The following SUSD4 variants were observed in gnomAD, a reference collection of about 807,000 sequenced individuals.
SUSD4 encodes the protein sushi domain-containing protein 4.
Under a neutral mutation model 50.5 loss-of-function variants are expected in SUSD4, and 41 were observed. The ratio of observed to expected loss-of-function variants is 0.81; its 90% CI spans 0.63 to 1.05. The LOEUF is 1.05. Ranked by LOEUF, SUSD4 falls within the 50% of genes least tolerant of loss-of-function variation. The probability of loss-of-function intolerance (pLI) is 0.00; values close to 1 mark genes in which losing one functional copy is unlikely to be tolerated. For synonymous variants in SUSD4, 257 were observed against 257.3 expected (o/e 1.00, Z 0.01); for missense variants, 580 against 634.7 (o/e 0.91, Z 0.93).
chr1:223,317,721 T>C (rs1666287305), intron 2 of SUSD4, among the ~76,000 whole-genome samples: 1 of 152,024 alleles, frequency 6.6e-6, no homozygotes, highest in Non-Finnish European at 1.5e-5. Flanking sequence ...TATTATTATA[T>C]TTATGATTAT....
intron 2 of SUSD4, among the ~76,000 whole-genome samples, chr1:223,357,902 C>T (rs1036657787): frequency 3.3e-5 from 5 of 152,082 alleles, no homozygotes; most frequent in Non-Finnish European, 5.9e-5. Flanking sequence ...TCCTTTTGCC[C>T]CTTTCTTCCC....
chr1:223,310,654 G>A (rs1438333997), intron 2 of SUSD4, among the ~76,000 whole-genome samples: 1 of 152,150 alleles, frequency 6.6e-6, no homozygotes, highest in Admixed American at 6.5e-5. Context: ...ATTGAATGTT[G>A]ATGGGTGATT....
intron 2 of SUSD4, among the ~76,000 whole-genome samples, chr1:223,356,447 G>A (rs1668672819): frequency 6.7e-6 from 1 of 149,332 alleles, no homozygotes; most frequent in South Asian, 2.1e-4. Context: ...GTCTTGCTCT[G>A]TTGCCCAGAC....
At chr1:223,286,637 T>C (rs1396487383) in intron 3 of SUSD4, among the ~76,000 whole-genome samples, 2 of 152,188 alleles carry the variant, frequency 1.3e-5, no homozygotes, top group Non-Finnish European at 2.9e-5. Context: ...TCCACCACAC[T>C]CATGGCCAAG....
intron 2 of SUSD4, among the ~76,000 whole-genome samples, chr1:223,339,619 C>A (rs754559771): frequency 4.6e-5 from 7 of 152,164 alleles, no homozygotes; most frequent in Non-Finnish European, 8.8e-5. Flanking sequence ...AGAGAGCCAC[C>A]CATCAGAATC....
At chr1:223,260,107 C>G (rs1441361223) in intron 5 of SUSD4, among the ~76,000 whole-genome samples, 1 of 152,188 alleles carries the variant, frequency 6.6e-6, no homozygotes, top group Non-Finnish European at 1.5e-5. Context: ...TCTCCTGAAA[C>G]TGTCCTTCTA....
chr1:223,243,338 T>C (rs1660712221), intron 5 of SUSD4, among the ~76,000 whole-genome samples: 1 of 152,180 alleles, frequency 6.6e-6, no homozygotes, highest in Non-Finnish European at 1.5e-5. Context: ...TACACCATCC[T>C]TTGGAGAGAT....
chr1:223,241,843 G>A (rs974615986), intron 5 of SUSD4, among the ~76,000 whole-genome samples: 4 of 152,206 alleles, frequency 2.6e-5, no homozygotes, highest in African/African-American at 7.2e-5. Context: ...AAAGAAAGGA[G>A]TGCCTTTCAG....
chr1:223,349,628 C>T (rs1244615660), intron 2 of SUSD4, among the ~76,000 whole-genome samples: 3 of 152,068 alleles, frequency 2.0e-5, no homozygotes, highest in Non-Finnish European at 4.4e-5. Flanking sequence ...GTTTGTAGCC[C>T]CTATCACCCT....
chr1:223,268,008 ATTTT>A (rs199600125), intron 4 of SUSD4, among the ~76,000 whole-genome samples: 6 of 51,052 alleles, frequency 1.2e-4, no homozygotes, highest in South Asian at 1.0e-3. Flanking sequence ...CTCTTCATGC[ATTTT>A]TTATATATAT....
intron 5 of SUSD4, among the ~76,000 whole-genome samples, chr1:223,250,648 G>A (rs765871619): frequency 2.6e-5 from 4 of 152,128 alleles, no homozygotes; most frequent in Admixed American, 6.6e-5. Flanking sequence ...GAAGAGCAAC[G>A]ATTTCATTAT....
chr1:223,312,127 G>GA lies in SUSD4; in HGVS notation c.149-19477dup, dbSNP rs575017249. 1.4e-4 allele frequency among the ~76,000 whole-genome samples: 22 copies of GA among 152,238 alleles called. No individual in the cohort carries two copies. In the South Asian group the frequency reaches 3.5e-3, roughly 24 times the overall value. Reference sequence around the variant, plus strand: ...CAAAATATTTTACACCAGCCAATCTGAAAAAACATATGATTCTGGTTAAAT... The same window carrying GA: ...CAAAATATTTTACACCAGCCAATCTGAAAAAAACATATGATTCTGGTTAAAT... On this transcript the variant is annotated intron_variant, in intron 2 of 8. Coordinates refer to ENST00000366878, the MANE Select transcript of SUSD4 (RefSeq NM_017982.4).
At chr1:223,288,011 A>G (rs1290252538) in intron 3 of SUSD4, among the ~76,000 whole-genome samples, 2 of 152,216 alleles carry the variant, frequency 1.3e-5, no homozygotes, top group African/African-American at 4.8e-5. Flanking sequence ...AAGGTGTTCA[A>G]GGAACACCCT....
Position 223,223,320 on chromosome 1 carries a change from T to C in SUSD4, c.1373A>G (p.Asp458Gly). 6.2e-7 allele frequency: 1 copy of C among 1,605,168 alleles called. No individual in the cohort carries two copies. ...CGTGCTGGCAATTATGTCAGGGTTG[T>C]CCGAAGCAGGGTGGGTGCTCTCTTG... ...RCQESTHPAS[D>G]NPDIIASTAE... The change falls in exon 8 of 9, where the codon GAC becomes GGC. Residue 458 changes from aspartate (D) to glycine (G), a missense_variant. Coordinates refer to ENST00000366878, the MANE Select transcript of SUSD4 (RefSeq NM_017982.4).
chr1:223,364,387 G>A (rs1482222665), upstream of SUSD4, among the ~76,000 whole-genome samples: 1 of 147,336 alleles, frequency 6.8e-6, no homozygotes, highest in Non-Finnish European at 1.5e-5. The surrounding 1 kb of genome is among the most constrained non-coding windows in gnomAD (Gnocchi z 4.5). Context: ...CGGGGACGGG[G>A]CGAGGGGTGC....
intron 2 of SUSD4, among the ~76,000 whole-genome samples, chr1:223,358,506 T>C (rs1426169147): frequency 6.6e-6 from 1 of 152,206 alleles, no homozygotes; most frequent in Non-Finnish European, 1.5e-5. Context: ...GCCTCGTTGG[T>C]CTTTTGCAAG....
chr1:223,314,814 T>C (rs1040740685), intron 2 of SUSD4, among the ~76,000 whole-genome samples: 3 of 152,204 alleles, frequency 2.0e-5, no homozygotes, highest in African/African-American at 7.2e-5. Flanking sequence ...ATTAAACCTC[T>C]TTCTTTTGTA....
intron 5 of SUSD4, among the ~76,000 whole-genome samples, chr1:223,260,791 T>G (rs1426668789): frequency 2.0e-5 from 3 of 152,202 alleles, no homozygotes; most frequent in African/African-American, 7.2e-5. Context: ...GCGACCCACA[T>G]CTTCGTAGTG....
chr1:223,236,119 C>T (rs1313065913), intron 5 of SUSD4, among the ~76,000 whole-genome samples: 2 of 152,200 alleles, frequency 1.3e-5, no homozygotes, highest in Non-Finnish European at 2.9e-5. Context: ...TGACTTGAAG[C>T]ATCTTTTCAT....
Sources: allele counts gnomAD v4.1 joint callset (sites outside exome capture counted in the v4.1 genomes callset), GRCh38; gene constraint gnomAD v4.1.1; non-coding constraint Gnocchi (gnomAD v3.1); transcripts MANE v1.5; gene names NCBI Gene and HGNC (gene_info 2026-07-23, HGNC 2026-07-21).